The following CADM2 variants were observed in gnomAD, a reference collection of about 807,000 sequenced individuals.
CADM2 encodes the protein immunoglobulin superfamily member 4D.
A neutral mutation model predicts 49.8 loss-of-function variants in CADM2; 12 were observed. The observed-to-expected ratio is 0.24, with a 90% confidence interval of 0.15 to 0.39. The LOEUF (loss-of-function observed/expected upper bound fraction) is 0.39, where lower values mean the gene tolerates loss of function less well. CADM2 is among the 10% of genes least tolerant of loss of function. The probability of loss-of-function intolerance (pLI) is 1.00; values close to 1 mark genes in which losing one functional copy is unlikely to be tolerated. For missense variants in CADM2, 378 were observed against 492.3 expected (o/e 0.77, Z 2.20); for synonymous variants, 214 against 175.4 (o/e 1.22, Z -1.74).
chr3:85,822,601 A>G (rs1002512866), intron 3 of CADM2, among the ~76,000 whole-genome samples: 2 of 152,130 alleles, frequency 1.3e-5, no homozygotes, highest in Non-Finnish European at 2.9e-5. Flanking sequence ...TAAATAAAAT[A>G]AAATAAAATA....
intron 1 of CADM2, among the ~76,000 whole-genome samples, chr3:85,250,459 C>T (rs1162061476): frequency 6.6e-6 from 1 of 151,098 alleles, no homozygotes. Flanking sequence ...TATTGGTGTT[C>T]TTCAAAGACA....
intron 1 of CADM2, among the ~76,000 whole-genome samples, chr3:85,651,622 T>C (rs2065044318): frequency 6.6e-6 from 1 of 152,078 alleles, no homozygotes; most frequent in Non-Finnish European, 1.5e-5. Flanking sequence ...CAATAAAACC[T>C]TTTTTATTGT....
At chr3:85,007,692 A>G (rs2033801518) in intron 1 of CADM2, among the ~76,000 whole-genome samples, 1 of 152,182 alleles carries the variant, frequency 6.6e-6, no homozygotes, top group Non-Finnish European at 1.5e-5. Context: ...AAAAAATACC[A>G]CAATGCGTTT....
intron 1 of CADM2, among the ~76,000 whole-genome samples, chr3:85,552,238 G>A (rs1343801286): frequency 1.3e-5 from 2 of 152,146 alleles, no homozygotes; most frequent in African/African-American, 2.4e-5. Context: ...CAATTAGGAG[G>A]CAGAACCAAA....
intron 3 of CADM2, among the ~76,000 whole-genome samples, chr3:85,829,051 AT>A (rs2074059030): frequency 1.3e-5 from 2 of 152,028 alleles, no homozygotes; most frequent in African/African-American, 2.4e-5. Context: ...CTATATAAAA[AT>A]AATAAAACTA....
At chr3:85,405,700 G>GA (rs1254570404) in intron 1 of CADM2, among the ~76,000 whole-genome samples, 1 of 151,354 alleles carries the variant, frequency 6.6e-6, no homozygotes, top group African/African-American at 2.4e-5. Context: ...AAAGCTCCTA[G>GA]TTTTTTTTTA....
rs765583693 is a variant in CADM2 at position 85,442,181 on chromosome 3, T to C, written c.62-284341T>C. Among the ~76,000 whole-genome samples, 153 of 152,200 alleles carry C rather than the reference T, an allele frequency of 1.0e-3. 1 individual carries two copies. Among genetic ancestry groups the C allele is most frequent in the Non-Finnish European group, 2.4e-4 (16 of 67,974 alleles). ...AACCATGTTAGTCATCTCAGTATTA[T>C]ATTTTCCTTGTTCTCTCTCCAGCCT... On this transcript the variant is annotated intron_variant, in intron 1 of 9. Transcript: ENST00000383699.
Position 85,829,482 on chromosome 3 carries a change from T to C in CADM2, c.238+27286T>C, listed in dbSNP as rs79359250. Among the ~76,000 whole-genome samples the C allele has an allele frequency of 3.2e-3, 480 of 152,122 alleles. 1 individual carries two copies. The highest frequency in any genetic ancestry group is 0.011 in the African/African-American group (462 of 41,544). ...GAAAAAAATCACTATACATTTATTC[T>C]GGGCACTTTAAAATAAAGATTGTAT... On this transcript the variant is annotated intron_variant, in intron 3 of 9. Transcript: ENST00000383699.
intron 1 of CADM2, among the ~76,000 whole-genome samples, chr3:85,550,573 C>A (rs986778374): frequency 1.1e-4 from 17 of 152,160 alleles, no homozygotes; most frequent in Admixed American, 6.5e-4. Context: ...AACACAAACT[C>A]TTTTCTAGTG....
At chr3:86,033,085 C>T (rs1734739517) in intron 8 of CADM2, among the ~76,000 whole-genome samples, 1 of 151,768 alleles carries the variant, frequency 6.6e-6, no homozygotes, top group African/African-American at 2.4e-5. Context: ...GCCATCTAAA[C>T]CTTTGGATAA....
Position 85,373,277 on chromosome 3 carries a change from C to T in CADM2, c.62-353245C>T, listed in dbSNP as rs189976213. Among the ~76,000 whole-genome samples, 311 of 152,222 alleles carry T rather than the reference C, an allele frequency of 2.0e-3. 5 individuals are homozygous for T. The highest frequency in any genetic ancestry group is 0.017 in the Admixed American group (264 of 15,288). On this transcript the variant is annotated intron_variant, in intron 1 of 9. Transcript: ENST00000383699. Reference sequence around the variant, plus strand: ...GGCCAAAATCAATAGGCTACAGGCCCCAAGGAAATCGGAAATTTAGTGCAC... The same window carrying T: ...GGCCAAAATCAATAGGCTACAGGCCTCAAGGAAATCGGAAATTTAGTGCAC...
At chr3:85,240,787 G>T (rs72915102) in intron 1 of CADM2, among the ~76,000 whole-genome samples, 4 of 151,284 alleles carry the variant, frequency 2.6e-5, no homozygotes, top group African/African-American at 9.7e-5. Context: ...GATGATAGAT[G>T]CACCTATTAT....
At position 85,964,037 on chromosome 3, in the gene CADM2, GT is replaced by G. The variant is rs1333703697; in HGVS notation, c.970+2396del. Among the ~76,000 whole-genome samples, 34 of 151,802 alleles carry G rather than the reference GT, an allele frequency of 2.2e-4. 1 individual carries two copies. The highest frequency in any genetic ancestry group is 7.7e-4 in the African/African-American group (32 of 41,458). On this transcript the variant is annotated intron_variant, in intron 8 of 9. Coordinates refer to ENST00000383699, the MANE Select transcript of CADM2 (RefSeq NM_001167675.2). The stretch of plus-strand genomic sequence containing the variant: ...CAATTGGGTTCATGGCAAAATAAAG[GT>G]TTTTTCCCCTTTGCACGCTGGGTAT...
chr3:85,515,631 A>ATATATTT (rs1159969286), intron 1 of CADM2, among the ~76,000 whole-genome samples: 121 of 118,396 alleles, frequency 1.0e-3, no homozygotes, highest in Middle Eastern at 4.6e-3. Flanking sequence ...ATATATATAT[A>ATATATTT]TTTTTTTTTT....
intron 1 of CADM2, among the ~76,000 whole-genome samples, chr3:85,387,932 A>AAAC (rs1429653603): frequency 6.6e-6 from 1 of 152,212 alleles, no homozygotes; most frequent in East Asian, 1.9e-4. Context: ...GTTGCTGAAG[A>AAAC]AACAACTGAT....
At chr3:86,020,143 G>A (rs1323260433) in intron 8 of CADM2, among the ~76,000 whole-genome samples, 1 of 152,044 alleles carries the variant, frequency 6.6e-6, no homozygotes, top group Non-Finnish European at 1.5e-5. Flanking sequence ...AATAAAAAAT[G>A]ATAAAGGGGA....
chr3:85,878,741 C>T (rs1052038638), intron 3 of CADM2, among the ~76,000 whole-genome samples: 2 of 151,990 alleles, frequency 1.3e-5, no homozygotes, highest in African/African-American at 2.4e-5. Context: ...GTCTTATATT[C>T]GTATGTAGTG....
At chr3:85,956,655 GTT>G (rs77456661) in intron 7 of CADM2, among the ~76,000 whole-genome samples, 265 of 133,994 alleles carry the variant, frequency 2.0e-3, no homozygotes, top group African/African-American at 6.7e-3. Context: ...CTTTGAGGAA[GTT>G]TTTTTTTTTT....
At chr3:85,374,190 G>T (rs1019521880) in intron 1 of CADM2, among the ~76,000 whole-genome samples, 1 of 151,960 alleles carries the variant, frequency 6.6e-6, no homozygotes, top group East Asian at 1.9e-4. Flanking sequence ...AATAAAATGT[G>T]AATGCTTTTA....
Sources: allele counts gnomAD v4.1 joint callset (sites outside exome capture counted in the v4.1 genomes callset), GRCh38; gene constraint gnomAD v4.1.1; transcripts MANE v1.5; gene names NCBI Gene and HGNC (gene_info 2026-07-23, HGNC 2026-07-21).